ATP11B: variants seen among roughly 807,000 people sequenced by gnomAD.
ATP11B encodes phospholipid-transporting ATPase IF.
In ATP11B, 81 loss-of-function variants were observed where a neutral mutation model predicts 157.8. The ratio of observed to expected loss-of-function variants is 0.51; its 90% CI spans 0.43 to 0.62. The LOEUF (loss-of-function observed/expected upper bound fraction) is 0.62. Ranked by LOEUF, ATP11B falls within the 20% of genes least tolerant of loss-of-function variation. The pLI is 0.00. For synonymous variants in ATP11B, 451 were observed against 469.4 expected (o/e 0.96, Z 0.51); for missense variants, 1,165 against 1,402.2 (o/e 0.83, Z 2.70).
chr3:182,828,857 A>G (rs531131027), intron 3 of ATP11B, among the ~76,000 whole-genome samples: 18 of 152,134 alleles, frequency 1.2e-4, no homozygotes, highest in Admixed American at 1.1e-3. Flanking sequence ...TTTCCTTTAA[A>G]GAAGTTATTC....
At chr3:182,879,998 C>T (rs1232697745) in intron 20 of ATP11B, among the ~76,000 whole-genome samples, 9 of 152,096 alleles carry the variant, frequency 5.9e-5, no homozygotes, top group Non-Finnish European at 8.8e-5. Context: ...TGTTGATCTC[C>T]GTTTATTCTT....
chr3:182,871,715 G>T (rs1207114894), intron 17 of ATP11B, among the ~76,000 whole-genome samples: 1 of 152,060 alleles, frequency 6.6e-6, no homozygotes, highest in Non-Finnish European at 1.5e-5. Flanking sequence ...GAACTTTCTG[G>T]CTTTCCATGT....
intron 1 of ATP11B, 67 bp from the exon 2 acceptor site, chr3:182,820,191 CTA>C (rs1427262137): frequency 9.9e-7 from 1 of 1,007,930 alleles, no homozygotes. Context: ...CTAAATAAAG[CTA>C]ACAGTAAAGT....
intron 8 of ATP11B, among the ~76,000 whole-genome samples, chr3:182,845,103 CA>C (rs1356777078): frequency 6.6e-6 from 1 of 150,480 alleles, no homozygotes; most frequent in Non-Finnish European, 1.5e-5. Flanking sequence ...CTCCACGGTT[CA>C]AAAAATTCTC....
chr3:182,845,302 C>T (rs748605270), intron 8 of ATP11B, among the ~76,000 whole-genome samples, 156 bp from the exon 9 acceptor site: 2 of 152,138 alleles, frequency 1.3e-5, no homozygotes, highest in East Asian at 1.9e-4. Context: ...CCACCACGCC[C>T]GGCCCCTGGG....
At chr3:182,804,238 CTTTTT>C (rs1397039202) in intron 1 of ATP11B, among the ~76,000 whole-genome samples, 1 of 148,448 alleles carries the variant, frequency 6.7e-6, no homozygotes, top group Non-Finnish European at 1.5e-5. Flanking sequence ...ATTTAGATTT[CTTTTT>C]TTTTTCTTTT....
chr3:182,836,309 T>C (rs1276271161), intron 5 of ATP11B, 33 bp from the exon 6 acceptor site: 1 of 1,612,052 alleles, frequency 6.2e-7, no homozygotes, highest in Non-Finnish European at 8.5e-7. Context: ...TTTTAAAATT[T>C]ATAAATTCAC....
intron 1 of ATP11B, among the ~76,000 whole-genome samples, chr3:182,804,078 T>G (rs1716171758): frequency 6.6e-6 from 1 of 152,190 alleles, no homozygotes; most frequent in Admixed American, 6.5e-5. Flanking sequence ...GTTCTAGATT[T>G]TGATTAGCTT....
intron 21 of ATP11B, 51 bp downstream of exon 21, chr3:182,881,032 AT>A: frequency 7.4e-7 from 1 of 1,357,570 alleles, no homozygotes; most frequent in Non-Finnish European, 1.0e-6. Flanking sequence ...AGTTGGTGGT[AT>A]TATTTGGTGG....
In ATP11B at chr3:182,874,127, AAAGTAGT is replaced by A. The variant is rs1449330897; in HGVS notation, c.2252+113_2252+119del. On this transcript the variant is annotated intron_variant, in intron 19 of 29. Transcript: ENST00000323116. ...CCTGTTTTTTACAGCCTATCAGCTAAAAGTAGTTTTTACATTTTTTGATAGATGAAAT... is the reference window on the plus strand; with the variant it reads ...CCTGTTTTTTACAGCCTATCAGCTAATTTTACATTTTTTGATAGATGAAAT... The A allele has an allele frequency of 7.6e-5, 67 of 884,570 alleles. 1 individual carries two copies. The highest frequency in any genetic ancestry group is 2.3e-4 in the Middle Eastern group (1 of 4,386). 54.8% of individuals were successfully genotyped at this position (884,570 alleles called of 1,614,324 possible). A position where few individuals can be genotyped will look rare whatever the true frequency, so the allele number is the denominator to read the frequency against.
chr3:182,866,932 T>TA (rs34001740), intron 14 of ATP11B, among the ~76,000 whole-genome samples: 77,230 of 141,492 alleles, frequency 0.55, 22,971 homozygotes, highest in Non-Finnish European at 0.68. Context: ...TATATATATA[T>TA]TTTTTTTTCT....
rs147865369 is a variant in ATP11B, at chr3:182,829,234, G to C, written c.235-438G>C. On this transcript the variant is annotated intron_variant, in intron 3 of 29. Transcript: ENST00000323116. ...GGAGTAAAGGAACATCATTTTCCTA[G>C]TTATCCACCTCTGGCTCTGTTGGAT... Among the ~76,000 whole-genome samples the C allele has an allele frequency of 5.3e-5, 8 of 152,236 alleles. No homozygotes were observed. In the East Asian group the frequency reaches 1.5e-3, roughly 29 times the overall value.
chr3:182,902,345 A>G (rs559282639), intron 28 of ATP11B: 315 of 273,036 alleles, frequency 1.2e-3, no homozygotes, highest in Non-Finnish European at 1.6e-3. Flanking sequence ...TTAGTCATGT[A>G]TGTGTATCAC....
At position 182,828,119 on chromosome 3, in the gene ATP11B, G is replaced by T; in HGVS notation, c.145-1G>T. 4 of 1,351,540 alleles carry T rather than the reference G, an allele frequency of 3.0e-6. No homozygotes were observed. The highest frequency in any genetic ancestry group is 2.0e-6 in the Non-Finnish European group (2 of 994,968). The allele number at this position is 1,351,540 out of a possible 1,614,324, so 83.7% of individuals were successfully genotyped here. Reference sequence around the variant, plus strand: ...TAATTTATTGATCTCTTTCTTTTTAGTACACTGTGTGGAATTTTGTTCCAA... The same window carrying T: ...TAATTTATTGATCTCTTTCTTTTTATTACACTGTGTGGAATTTTGTTCCAA... On this transcript the variant is annotated splice_acceptor_variant, in intron 2 of 29. Coordinates refer to ENST00000323116, the MANE Select transcript of ATP11B (RefSeq NM_014616.3). LOFTEE classifies it high-confidence loss of function.
At chr3:182,850,807 A>T (rs1233641823) in intron 10 of ATP11B, among the ~76,000 whole-genome samples, 1 of 152,360 alleles carries the variant, frequency 6.6e-6, no homozygotes, top group African/African-American at 2.4e-5. Flanking sequence ...AGCACTATTC[A>T]TAATAGCAAA....
chr3:182,896,845 A>G lies in ATP11B; in HGVS notation c.3048+80A>G, dbSNP rs974459299. 4.2e-6 allele frequency: 4 copies of G among 963,784 alleles called. No homozygotes were observed. In the African/African-American group the frequency reaches 6.5e-5, roughly 16 times the overall value. The allele number at this position is 963,784 out of a possible 1,614,324, so 59.7% of individuals were successfully genotyped here. A position where few individuals can be genotyped will look rare whatever the true frequency, so the allele number is the denominator to read the frequency against. On this transcript the variant is annotated intron_variant, in intron 26 of 29. Coordinates refer to ENST00000323116, the MANE Select transcript of ATP11B (RefSeq NM_014616.3). ...GTTAACTTTCTTCATTTCTTTAGCC[A>G]TAGATACTTTCCCTTTTTCCATTTT...
In ATP11B at chr3:182,879,570, A is replaced by C; in HGVS notation, c.2327A>C (p.His776Pro). ...AGCCTATCTCTTGCACTCAGGGAGC[A>C]TGAAAAACTATTTATGGAAGTTTGC... ...GTSLSLALRE[H>P]EKLFMEVCRN... Residue 776 changes from histidine to proline, a missense_variant, in exon 20 of 30, where the codon CAT (histidine) becomes CCT (proline). Around this residue, in one of 4 missense-constraint regions of ATP11B, gnomAD observed 737 missense variants for 930.5 expected, o/e 0.79. Transcript: ENST00000323116. 1 of 1,614,208 alleles carries C rather than the reference A, an allele frequency of 6.2e-7. No homozygotes were observed. The highest frequency in any genetic ancestry group is 1.1e-5 in the South Asian group (1 of 91,080).
intron 1 of ATP11B, among the ~76,000 whole-genome samples, chr3:182,817,244 GTTTAA>G (rs1171095953): frequency 6.7e-6 from 1 of 149,818 alleles, no homozygotes; most frequent in Non-Finnish European, 1.5e-5. Flanking sequence ...TTAAAATTCA[GTTTAA>G]TTTATAATGT....
At chr3:182,892,696 T>C in intron 25 of ATP11B, among the ~76,000 whole-genome samples, 1 of 152,230 alleles carries the variant, frequency 6.6e-6, no homozygotes, top group East Asian at 1.9e-4. Flanking sequence ...CATGTATTTA[T>C]CTCAAATCTT....
Sources: allele counts gnomAD v4.1 joint callset (sites outside exome capture counted in the v4.1 genomes callset), GRCh38; gene constraint gnomAD v4.1.1; regional missense constraint gnomAD v4.1.1; transcripts MANE v1.5; gene names NCBI Gene and HGNC (gene_info 2026-07-23, HGNC 2026-07-21).